Variants in PIK3C2G observed in about 807,000 individuals in gnomAD.
PIK3C2G encodes phosphatidylinositol 3-kinase C2 domain-containing subunit gamma.
In PIK3C2G, 168 loss-of-function variants were observed where a neutral mutation model predicts 181.1. The observed-to-expected ratio is 0.93, with a 90% confidence interval of 0.82 to 1.05. The LOEUF (loss-of-function observed/expected upper bound fraction) is 1.05. Among genes scored for constraint, PIK3C2G ranks in the 50% least tolerant of loss-of-function variants. The pLI, the probability that PIK3C2G is intolerant of heterozygous loss-of-function variation, is 0.00. For synonymous variants in PIK3C2G, 573 were observed against 592.2 expected (o/e 0.97, Z 0.47); for missense variants, 1,869 against 1,732.8 (o/e 1.08, Z -1.40).
At chr12:18,402,093 T>A (rs534930843) in intron 16 of PIK3C2G, among the ~76,000 whole-genome samples, 1 of 152,286 alleles carries the variant, frequency 6.6e-6, no homozygotes, top group South Asian at 2.1e-4. Flanking sequence ...AACAACATTA[T>A]TCACAATAGC....
At chr12:18,640,119 T>C (rs1344668222) in intron 31 of PIK3C2G, among the ~76,000 whole-genome samples, 2 of 151,832 alleles carry the variant, frequency 1.3e-5, no homozygotes, top group Admixed American at 1.3e-4. Context: ...ATTTATCTCT[T>C]GACCATATCT....
At chr12:18,363,003 T>C (rs1941376231) in intron 12 of PIK3C2G, 117 bp downstream of exon 12, 3 of 736,924 alleles carry the variant, frequency 4.1e-6, no homozygotes, top group Non-Finnish European at 6.3e-6. Flanking sequence ...TTGATTTGAT[T>C]CAGTGGTATG....
chr12:18,570,765 G>T (rs1467860722), intron 29 of PIK3C2G, among the ~76,000 whole-genome samples: 3 of 150,522 alleles, frequency 2.0e-5, no homozygotes, highest in Admixed American at 1.3e-4. Context: ...AGTGAGTCAA[G>T]AAGTTTATAT....
intron 18 of PIK3C2G, among the ~76,000 whole-genome samples, chr12:18,424,302 T>C (rs925528797): frequency 6.6e-6 from 1 of 152,210 alleles, no homozygotes; most frequent in Non-Finnish European, 1.5e-5. Flanking sequence ...GCCTTTCTTG[T>C]AGCTTTAAAT....
At chr12:18,418,351 A>C (rs531439197) in intron 16 of PIK3C2G, among the ~76,000 whole-genome samples, 3 of 152,256 alleles carry the variant, frequency 2.0e-5, no homozygotes, top group African/African-American at 7.2e-5. Flanking sequence ...CAGAAGTTAC[A>C]GTGTGCACAA....
the PIK3C2G span, among the ~76,000 whole-genome samples, chr12:18,668,987 T>C: frequency 6.6e-6 from 1 of 152,122 alleles, no homozygotes; most frequent in African/African-American, 2.4e-5. Flanking sequence ...AGGTGTGTAA[T>C]TAATTTCCCC....
intron 16 of PIK3C2G, among the ~76,000 whole-genome samples, chr12:18,410,779 T>C (rs1431007245): frequency 6.6e-6 from 1 of 152,184 alleles, no homozygotes; most frequent in Admixed American, 6.6e-5. Flanking sequence ...TACTTTTACA[T>C]ATAATGTTTA....
chr12:18,708,208 G>C, the PIK3C2G span, among the ~76,000 whole-genome samples: 3 of 151,970 alleles, frequency 2.0e-5, no homozygotes, highest in African/African-American at 7.2e-5. Flanking sequence ...ACCACTGTTT[G>C]GTTATCTATC....
At chr12:18,527,875 T>C (rs1795711934) in intron 24 of PIK3C2G, among the ~76,000 whole-genome samples, 1 of 152,130 alleles carries the variant, frequency 6.6e-6, no homozygotes. Context: ...CCAGAGTTAG[T>C]AACTAAAGTT....
chr12:18,243,436 T>C (rs1408974447), upstream of PIK3C2G, among the ~76,000 whole-genome samples: 1 of 152,028 alleles, frequency 6.6e-6, no homozygotes, highest in Non-Finnish European at 1.5e-5. Flanking sequence ...GGTTAAATCA[T>C]ATGTTAAAGG....
intron 1 of PIK3C2G, among the ~76,000 whole-genome samples, chr12:18,273,979 A>T (rs1215839079): frequency 1.3e-5 from 2 of 152,198 alleles, no homozygotes; most frequent in Non-Finnish European, 2.9e-5. Flanking sequence ...ACCCCATCAA[A>T]AAGTGGGTGA....
intron 20 of PIK3C2G, among the ~76,000 whole-genome samples, chr12:18,494,157 C>CT (rs1157282383): frequency 6.6e-6 from 1 of 152,164 alleles, no homozygotes; most frequent in Non-Finnish European, 1.5e-5. Flanking sequence ...CTCTAAGACT[C>CT]TGATTAATTC....
intron 20 of PIK3C2G, among the ~76,000 whole-genome samples, chr12:18,491,878 C>G (rs1940603585): frequency 6.6e-6 from 1 of 151,926 alleles, no homozygotes; most frequent in African/African-American, 2.4e-5. Context: ...GATTTGGTGA[C>G]CCCATGCAGG....
the PIK3C2G span, among the ~76,000 whole-genome samples, chr12:18,718,448 A>G: frequency 6.6e-6 from 1 of 152,094 alleles, no homozygotes; most frequent in African/African-American, 2.4e-5. Context: ...TCCATGCTCT[A>G]CAAGATCCTC....
Position 18,648,047 on chromosome 12 carries a change from G to T in PIK3C2G, c.*19G>T. On this transcript the variant is annotated 3_prime_UTR_variant, in exon 33 of 33. Coordinates refer to ENST00000538779, the MANE Select transcript of PIK3C2G (RefSeq NM_001288772.2). The stretch of plus-strand genomic sequence containing the variant: ...AATTTGACCATTGCTATGAACATAT[G>T]CATTATTCATTAACTACTTGTATTT... The T allele has an allele frequency of 2.7e-6, 4 of 1,503,632 alleles. No individual in the cohort carries two copies. Among genetic ancestry groups the T allele is most frequent in the Non-Finnish European group, 3.6e-6 (4 of 1,111,416 alleles). 93.1% of individuals were successfully genotyped at this position (1,503,632 alleles called of 1,614,324 possible).
intron 1 of PIK3C2G, among the ~76,000 whole-genome samples, chr12:18,276,471 T>C (rs1390619390): frequency 6.6e-6 from 1 of 152,192 alleles, no homozygotes; most frequent in Non-Finnish European, 1.5e-5. Flanking sequence ...CTCAAGATCC[T>C]GCACAAAATT....
intron 29 of PIK3C2G, among the ~76,000 whole-genome samples, chr12:18,587,894 A>G (rs191782430): frequency 1.4e-5 from 2 of 142,108 alleles, no homozygotes; most frequent in Admixed American, 7.0e-5. Flanking sequence ...GGTACTGATT[A>G]AAAAAAAAAA....
chr12:18,596,875 G>A (rs1947395716), intron 30 of PIK3C2G, among the ~76,000 whole-genome samples: 1 of 152,094 alleles, frequency 6.6e-6, no homozygotes, highest in Admixed American at 6.6e-5. Flanking sequence ...TGTTAATGAT[G>A]TGAAAGGCCA....
chr12:18,385,439 C>T (rs554990896), intron 14 of PIK3C2G, among the ~76,000 whole-genome samples: 1 of 152,276 alleles, frequency 6.6e-6, no homozygotes, highest in South Asian at 2.1e-4. Context: ...CTCACTTAGC[C>T]TGGGTCTCCT....
Sources: gnomAD v4.1 joint callset for allele counts (sites outside exome capture counted in the v4.1 genomes callset) on GRCh38, gnomAD v4.1.1 for gene constraint, MANE v1.5 for transcripts, NCBI Gene and HGNC (gene_info 2026-07-23, HGNC 2026-07-21) for gene names.